Variants in INTS7 observed in about 807,000 individuals in gnomAD.
The protein encoded by INTS7 is integrator complex subunit 7, also known as chromosome 1 open reading frame 73.
A neutral mutation model predicts 109.2 loss-of-function variants in INTS7; 46 were observed. The ratio of observed to expected loss-of-function variants is 0.42; its 90% CI spans 0.33 to 0.54. The LOEUF (loss-of-function observed/expected upper bound fraction) is 0.54. INTS7 is among the 20% of genes least tolerant of loss of function. INTS7 has a pLI of 0.07. For synonymous variants in INTS7, 412 were observed against 402.9 expected (o/e 1.02, Z -0.27); for missense variants, 929 against 1,132.4 (o/e 0.82, Z 2.58).
At chr1:211,957,954 G>A (rs1014495612) in intron 16 of INTS7, among the ~76,000 whole-genome samples, 1 of 150,772 alleles carries the variant, frequency 6.6e-6, no homozygotes, top group African/African-American at 2.4e-5. Flanking sequence ...ACTACTAAAT[G>A]TAAGATTCTT....
chr1:211,986,960 C>A (rs1350726266), intron 8 of INTS7, among the ~76,000 whole-genome samples: 1 of 152,154 alleles, frequency 6.6e-6, no homozygotes, highest in Non-Finnish European at 1.5e-5. Flanking sequence ...AACTAACTGA[C>A]TACAAAAGGA....
At chr1:211,954,784 G>A (rs1447879932) in intron 16 of INTS7, among the ~76,000 whole-genome samples, 26 of 152,220 alleles carry the variant, frequency 1.7e-4, no homozygotes, top group Admixed American at 1.7e-3. Flanking sequence ...GTACCATGCT[G>A]TTTTGGTTAC....
rs1662582092 is a variant in INTS7, at chr1:211,940,489, T to C, written c.*1335A>G. The C allele has an allele frequency of 6.6e-6, 1 of 152,122 alleles. No homozygotes were observed. Among genetic ancestry groups the C allele is most frequent in the Non-Finnish European group, 1.5e-5 (1 of 68,016 alleles). The allele number at this position is 152,122 out of a possible 1,614,324, so 9.4% of individuals were successfully genotyped here. A position where few individuals can be genotyped will look rare whatever the true frequency, so the allele number is the denominator to read the frequency against. On this transcript the variant is annotated 3_prime_UTR_variant, in exon 20 of 20. Coordinates refer to ENST00000366994, the MANE Select transcript of INTS7 (RefSeq NM_015434.4). ...AGGAGCTGCATCCGGCCAAATTACT[T>C]ATAGCATCGGCATCTGCAACCATAT...
chr1:211,997,424 T>C (rs1375864056), intron 7 of INTS7, among the ~76,000 whole-genome samples: 1 of 148,910 alleles, frequency 6.7e-6, no homozygotes, highest in Non-Finnish European at 1.5e-5. Context: ...TAGTCCCATC[T>C]ACTCAGGAGG....
intron 1 of INTS7, among the ~76,000 whole-genome samples, chr1:212,033,873 A>C (rs1389761688): frequency 6.6e-6 from 1 of 152,160 alleles, no homozygotes; most frequent in African/African-American, 2.4e-5. Flanking sequence ...ACCTGAGGTC[A>C]GGAGTTGGAG....
At chr1:211,983,930 T>A (rs1026210454) in intron 8 of INTS7, among the ~76,000 whole-genome samples, 21 of 152,040 alleles carry the variant, frequency 1.4e-4, no homozygotes, top group Middle Eastern at 3.4e-3. Context: ...CTACTACAGA[T>A]CACAGCTCAC....
chr1:211,969,666 C>G (rs1664081498), intron 13 of INTS7, among the ~76,000 whole-genome samples: 1 of 151,146 alleles, frequency 6.6e-6, no homozygotes, highest in African/African-American at 2.4e-5. Flanking sequence ...AATTATCCCC[C>G]CACCTGAGTT....
In INTS7 at chr1:212,006,772, A is replaced by C. The variant is rs1665931707; in HGVS notation, c.757-11T>G. On this transcript the variant is annotated splice_polypyrimidine_tract_variant and intron_variant, in intron 6 of 19. Coordinates refer to ENST00000366994, the MANE Select transcript of INTS7 (RefSeq NM_015434.4). The stretch of plus-strand genomic sequence containing the variant: ...CAACAGAAGCTGAATCTATAAAGGA[A>C]ATAAGTCACTCCATAAACAATACTG... The C allele has an allele frequency of 6.3e-7, 1 of 1,593,482 alleles. No homozygotes were observed. The highest frequency in any genetic ancestry group is 8.6e-7 in the Non-Finnish European group (1 of 1,167,374).
chr1:212,006,867 A>T (rs1392708170), intron 6 of INTS7, 106 bp from the exon 7 acceptor site: 1 of 895,744 alleles, frequency 1.1e-6, no homozygotes, highest in Non-Finnish European at 1.7e-6. Context: ...CTCACTTCAA[A>T]TCAGAGCCCT....
At chr1:211,966,928 C>CT (rs1663908502) in intron 15 of INTS7, among the ~76,000 whole-genome samples, 1 of 152,078 alleles carries the variant, frequency 6.6e-6, no homozygotes, top group African/African-American at 2.4e-5. Context: ...GGTTCCTAAT[C>CT]TAGTGCTCAA....
intron 7 of INTS7, among the ~76,000 whole-genome samples, chr1:212,001,064 CT>C (rs71137715): frequency 0.071 from 8,683 of 122,726 alleles, 202 homozygotes; most frequent in Non-Finnish European, 0.077. Flanking sequence ...GGCAGAATTC[CT>C]TTTTTTTTTT....
At chr1:211,989,347 C>G (rs1280911722) in intron 7 of INTS7, among the ~76,000 whole-genome samples, 1 of 149,402 alleles carries the variant, frequency 6.7e-6, no homozygotes, top group Non-Finnish European at 1.5e-5. Flanking sequence ...AGACAATTAA[C>G]CAGTCATTTG....
chr1:211,995,179 G>C (rs920819418), intron 7 of INTS7, among the ~76,000 whole-genome samples: 2 of 151,846 alleles, frequency 1.3e-5, no homozygotes, highest in African/African-American at 4.8e-5. Context: ...ACTCACTAGA[G>C]GAAGACAAGA....
At chr1:211,953,963 A>G (rs1663237725) in intron 16 of INTS7, among the ~76,000 whole-genome samples, 1 of 152,192 alleles carries the variant, frequency 6.6e-6, no homozygotes. Flanking sequence ...TAGATCCCTG[A>G]GGAATTGCCA....
intron 16 of INTS7, among the ~76,000 whole-genome samples, chr1:211,953,870 T>C (rs1435357783): frequency 6.6e-6 from 1 of 152,108 alleles, no homozygotes; most frequent in Non-Finnish European, 1.5e-5. Context: ...TACATGTGCA[T>C]GTGTCTTTAT....
At chr1:211,968,444 A>G in intron 14 of INTS7, 69 bp downstream of exon 14, 3 of 1,328,002 alleles carry the variant, frequency 2.3e-6, no homozygotes, top group Non-Finnish European at 3.1e-6. Flanking sequence ...ATATTTTACA[A>G]CTTTTCATCT....
intron 17 of INTS7, among the ~76,000 whole-genome samples, chr1:211,948,162 A>AT (rs967709687): frequency 0.045 from 6,700 of 148,252 alleles, 229 homozygotes; most frequent in African/African-American, 0.11. Context: ...TGCTGTAAAC[A>AT]TTTTTTTTTT....
intron 9 of INTS7, among the ~76,000 whole-genome samples, chr1:211,981,960 T>G (rs1482045427): frequency 1.3e-5 from 2 of 151,642 alleles, no homozygotes; most frequent in African/African-American, 4.8e-5. Flanking sequence ...GCAAACAGAG[T>G]AAAGGCTAGT....
chr1:211,976,598 C>T lies in INTS7; in HGVS notation c.1592G>A (p.Arg531Lys), dbSNP rs868494948. 3.7e-6 allele frequency: 6 copies of T among 1,613,604 alleles called. No homozygotes were observed. The African/African-American group carries it at 6.7e-5, about 18-fold the overall frequency. Residue 531 changes from arginine (R) to lysine (K), a missense_variant, in exon 12 of 20, where the codon AGA (arginine) becomes AAA (lysine). This residue lies in a region of INTS7 where 787 missense variants were observed against 901.1 expected (regional missense o/e 0.87). Transcript: ENST00000366994. The part of the protein sequence containing the change: ...SNGWTVYRIA[R>K]QASRMGNHDM... ...AACACATACCATTCTGGAAGCCTGT[C>T]TGGCAATACGGTATACAGTCCATCC...
Sources: gnomAD v4.1 joint callset for allele counts (sites outside exome capture counted in the v4.1 genomes callset) on GRCh38, gnomAD v4.1.1 for gene constraint, gnomAD v4.1.1 regional missense constraint, MANE v1.5 for transcripts, NCBI Gene and HGNC (gene_info 2026-07-23, HGNC 2026-07-21) for gene names.